Variants in DLG2 observed in about 807,000 individuals in gnomAD.
DLG2 encodes the protein discs large MAGUK scaffold protein 2.
A neutral mutation model predicts 132.5 loss-of-function variants in DLG2; 45 were observed. The ratio of observed to expected loss-of-function variants is 0.34; its 90% CI spans 0.27 to 0.44. The LOEUF is 0.44. Among genes scored for constraint, DLG2 ranks in the 20% least tolerant of loss-of-function variants. The probability of loss-of-function intolerance (pLI) is 1.00; values close to 1 mark genes in which losing one functional copy is unlikely to be tolerated. For missense variants in DLG2, 1,045 were observed against 1,196.9 expected, an observed-to-expected ratio of 0.87 and a Z score of 1.87; for synonymous variants, 424 against 419.6, an observed-to-expected ratio of 1.01 and a Z score of -0.13.
At chr11:85,429,264 A>G (rs948641722) in intron 3 of DLG2, among the ~76,000 whole-genome samples, 8 of 152,232 alleles carry the variant, frequency 5.3e-5, no homozygotes, top group African/African-American at 1.9e-4. Context: ...AATCCTCCCT[A>G]ACTCATTTTA....
intron 21 of DLG2, among the ~76,000 whole-genome samples, chr11:83,525,118 A>C (rs1345948453): frequency 6.6e-6 from 1 of 152,196 alleles, no homozygotes; most frequent in Non-Finnish European, 1.5e-5. Flanking sequence ...CAAATAGACT[A>C]TGAGGAATAC....
At chr11:84,522,748 A>T (rs1254327766) in intron 7 of DLG2, among the ~76,000 whole-genome samples, 1 of 152,202 alleles carries the variant, frequency 6.6e-6, no homozygotes, top group Admixed American at 6.5e-5. Flanking sequence ...CGCATTTAAA[A>T]ATTGCCTTCT....
intron 11 of DLG2, among the ~76,000 whole-genome samples, chr11:83,990,120 A>C (rs182299912): frequency 1.3e-5 from 2 of 152,180 alleles, no homozygotes; most frequent in Non-Finnish European, 2.9e-5. Context: ...AACAAAGCTG[A>C]CACAGAAAAA....
At chr11:85,071,617 A>G (rs1380322489) in intron 6 of DLG2, among the ~76,000 whole-genome samples, 2 of 151,856 alleles carry the variant, frequency 1.3e-5, no homozygotes, top group Admixed American at 6.6e-5. Flanking sequence ...AATCATTGTT[A>G]TAAACTTTAT....
intron 6 of DLG2, among the ~76,000 whole-genome samples, chr11:84,617,968 T>C (rs1435505300): frequency 6.6e-6 from 1 of 152,050 alleles, no homozygotes. Flanking sequence ...TAGGTAGTTA[T>C]GGGAATTTGA....
intron 6 of DLG2, among the ~76,000 whole-genome samples, chr11:84,548,043 G>A (rs1731542633): frequency 6.6e-6 from 1 of 152,172 alleles, no homozygotes; most frequent in African/African-American, 2.4e-5. Flanking sequence ...GTAATAAAGT[G>A]AGTTCCTTTG....
intron 3 of DLG2, among the ~76,000 whole-genome samples, chr11:85,334,345 GC>G (rs1281169275): frequency 3.3e-5 from 5 of 151,864 alleles, no homozygotes; most frequent in Non-Finnish European, 4.4e-5. Context: ...ATTCTAGCTA[GC>G]AGTTTATCAA....
intron 3 of DLG2, among the ~76,000 whole-genome samples, chr11:85,529,797 G>A (rs1252832636): frequency 6.6e-6 from 1 of 152,054 alleles, no homozygotes; most frequent in East Asian, 1.9e-4. Flanking sequence ...ACCAAATACA[G>A]TTATATGTTT....
chr11:83,860,736 C>A (rs535389676), intron 16 of DLG2, among the ~76,000 whole-genome samples: 29 of 152,018 alleles, frequency 1.9e-4, no homozygotes, highest in Non-Finnish European at 3.8e-4. Context: ...AGGGGCCAGG[C>A]GTGGAATAAT....
At chr11:84,834,805 A>AAG (rs1374686871) in intron 6 of DLG2, among the ~76,000 whole-genome samples, 1 of 151,112 alleles carries the variant, frequency 6.6e-6, no homozygotes, top group Non-Finnish European at 1.5e-5. Flanking sequence ...CAGAAAAAAA[A>AAG]AAAAATCAAC....
intron 9 of DLG2, among the ~76,000 whole-genome samples, chr11:84,107,649 G>A (rs575746317): frequency 2.6e-5 from 4 of 152,142 alleles, no homozygotes; most frequent in African/African-American, 7.2e-5. Context: ...GGAATACTTC[G>A]CCCTCTGAGA....
At chr11:84,818,952 T>C (rs2077366470) in intron 6 of DLG2, among the ~76,000 whole-genome samples, 1 of 149,116 alleles carries the variant, frequency 6.7e-6, no homozygotes, top group Non-Finnish European at 1.5e-5. Context: ...ATTGCTGAGA[T>C]CAGCCATCTG....
chr11:83,934,097 T>C (rs1300601313), intron 14 of DLG2, among the ~76,000 whole-genome samples: 1 of 152,246 alleles, frequency 6.6e-6, no homozygotes, highest in African/African-American at 2.4e-5. Context: ...CTATTGAATT[T>C]CTTTGATGAT....
At chr11:85,335,468 T>A (rs926042128) in intron 3 of DLG2, among the ~76,000 whole-genome samples, 6 of 152,146 alleles carry the variant, frequency 3.9e-5, no homozygotes, top group African/African-American at 1.2e-4. Context: ...GTTAGCTAGT[T>A]GTTATGTAGA....
chr11:85,510,796 T>C (rs1233828612), intron 3 of DLG2, among the ~76,000 whole-genome samples: 1 of 152,168 alleles, frequency 6.6e-6, no homozygotes, highest in African/African-American at 2.4e-5. Flanking sequence ...AGTTCAACCA[T>C]TGTGGAAGTC....
chr11:85,048,404 A>G (rs1306227365), intron 6 of DLG2, among the ~76,000 whole-genome samples: 2 of 152,074 alleles, frequency 1.3e-5, no homozygotes, highest in East Asian at 3.9e-4. Flanking sequence ...ATCACTTACT[A>G]TCGTGGTACT....
At chr11:83,903,551 T>C (rs1488339843) in intron 15 of DLG2, among the ~76,000 whole-genome samples, 1 of 152,166 alleles carries the variant, frequency 6.6e-6, no homozygotes, top group Non-Finnish European at 1.5e-5. Context: ...TATTGAAATT[T>C]ATTGTAAACC....
intron 3 of DLG2, among the ~76,000 whole-genome samples, chr11:85,495,100 C>A (rs2093641406): frequency 6.6e-6 from 1 of 152,002 alleles, no homozygotes; most frequent in African/African-American, 2.4e-5. Context: ...AGATTATTAA[C>A]CTCACTAATA....
chr11:84,888,927 G>T (rs777311944), intron 6 of DLG2, among the ~76,000 whole-genome samples: 1 of 152,106 alleles, frequency 6.6e-6, no homozygotes, highest in African/African-American at 2.4e-5. Flanking sequence ...CAACTGAAAA[G>T]GTTCTGAGGT....
Sources: gnomAD v4.1 joint callset for allele counts (sites outside exome capture counted in the v4.1 genomes callset) on GRCh38, gnomAD v4.1.1 for gene constraint, MANE v1.5 for transcripts, NCBI Gene and HGNC (gene_info 2026-07-23, HGNC 2026-07-21) for gene names.